Variants in TET3 observed in about 807,000 individuals in gnomAD.
The protein encoded by TET3 is methylcytosine dioxygenase TET3.
A neutral mutation model predicts 141.4 loss-of-function variants in TET3; 19 were observed. The ratio of observed to expected loss-of-function variants is 0.13; its 90% CI spans 0.09 to 0.20. The LOEUF is 0.20. Ranked by LOEUF, TET3 falls within the 10% of genes least tolerant of loss-of-function variation. The pLI is 1.00. For missense variants in TET3, 1,874 were observed against 2,356.9 expected (o/e 0.80, Z 4.24); for synonymous variants, 1,043 against 980.9 (o/e 1.06, Z -1.18).
intron 2 of TET3, among the ~76,000 whole-genome samples, chr2:73,990,356 G>A (rs1377651849): frequency 3.9e-5 from 6 of 152,286 alleles, no homozygotes; most frequent in Admixed American, 3.3e-4. Context: ...AACTCCAGAT[G>A]CAATACAAAT....
In TET3 at chr2:73,986,437, C is replaced by T. The variant is rs970505245; in HGVS notation, c.34C>T (p.Pro12Ser). The T allele has an allele frequency of 8.1e-7, 1 of 1,232,262 alleles. No homozygotes were observed. The highest frequency in any genetic ancestry group is 1.0e-6 in the Non-Finnish European group (1 of 988,100). 76.3% of individuals were successfully genotyped at this position (1,232,262 alleles called of 1,614,324 possible). A position where few individuals can be genotyped will look rare whatever the true frequency, so the allele number is the denominator to read the frequency against. Residue 12 changes from proline to serine, a missense_variant, in exon 2 of 12, where the codon CCG (proline) becomes TCG (serine). By Grantham distance (74) the Pro-to-Ser change is moderately conservative. Around this residue, in one of 10 missense-constraint regions of TET3, gnomAD observed 366 missense variants for 487.0 expected, o/e 0.75. Transcript: ENST00000409262. Reference sequence around the variant, plus strand: ...GTTTCAGGTGCCCCTGGCCGTCCAGCCGGACCTGCCAGGCCTTTATGACTT... The same window carrying T: ...GTTTCAGGTGCCCCTGGCCGTCCAGTCGGACCTGCCAGGCCTTTATGACTT... ...SQFQVPLAVQ[P>S]DLPGLYDFPQ...
At chr2:74,126,898 A>G in the TET3 span, among the ~76,000 whole-genome samples, 12 of 152,340 alleles carry the variant, frequency 7.9e-5, no homozygotes, top group African/African-American at 2.6e-4. Flanking sequence ...TGCCATCTTT[A>G]TAGAAATCTG....
Position 74,100,538 on chromosome 2 carries a change from C to A in TET3, c.3750C>A (p.Asp1250Glu). Residue 1250 changes from aspartate (D) to glutamate (E), a missense_variant, in exon 12 of 12, where the codon GAC becomes GAA. By Grantham distance (45) the Asp-to-Glu change is conservative (BLOSUM62 2). Coordinates refer to ENST00000409262, the MANE Select transcript of TET3 (RefSeq NM_001287491.2). ...TGCTGGGCAACTGCCGGCCCTCCGA[C>A]CCTTACAGCATGAACAGCGTGTACT... Reference protein sequence around the residue: ...YSVLGNCRPSDPYSMNSVYSY... With the variant: ...YSVLGNCRPSEPYSMNSVYSY... 1 of 1,612,268 alleles carries A rather than the reference C, an allele frequency of 6.2e-7. No homozygotes were observed. The highest frequency in any genetic ancestry group is 1.1e-5 in the South Asian group (1 of 90,598).
intron 3 of TET3, among the ~76,000 whole-genome samples, chr2:74,033,874 T>C (rs905191276): frequency 5.9e-5 from 9 of 152,056 alleles, no homozygotes; most frequent in Admixed American, 2.0e-4. Flanking sequence ...GGCGGGCGGA[T>C]CACCTGAGGT....
chr2:74,092,550 C>G lies in TET3; in HGVS notation c.3040-352C>G, dbSNP rs567153777. The stretch of plus-strand genomic sequence containing the variant: ...CCACAGTTGTTGCTCTTGGCTTTTT[C>G]AGTCCCACTGTGCCGCACCTCTGAC... On this transcript the variant is annotated intron_variant, in intron 8 of 11. Coordinates refer to ENST00000409262, the MANE Select transcript of TET3 (RefSeq NM_001287491.2). 3.9e-5 allele frequency among the ~76,000 whole-genome samples: 6 copies of G among 152,270 alleles called. No individual in the cohort carries two copies. In the South Asian group the frequency reaches 8.3e-4, roughly 21 times the overall value.
chr2:74,090,472 T>C (rs534656212), intron 8 of TET3, among the ~76,000 whole-genome samples: 1 of 152,320 alleles, frequency 6.6e-6, no homozygotes, highest in South Asian at 2.1e-4. Flanking sequence ...CTTCCCAAGG[T>C]ATCTCCCACC....
At position 74,107,899 on chromosome 2, in the gene TET3, A is replaced by T. The variant is rs1558806957; in HGVS notation, c.*5723A>T. On this transcript the variant is annotated 3_prime_UTR_variant, in exon 12 of 12. Transcript: ENST00000409262. ...TTCTTAGTACAGTAAATTTATGCTG[A>T]TAATTTTATTTTGTATAATTTTTAC... 6.6e-6 allele frequency: 1 copy of T among 152,458 alleles called. No individual in the cohort carries two copies. Among genetic ancestry groups the T allele is most frequent in the African/African-American group, 2.4e-5 (1 of 41,410 alleles). 9.4% of individuals were successfully genotyped at this position (152,458 alleles called of 1,614,324 possible). A position where few individuals can be genotyped will look rare whatever the true frequency, so the allele number is the denominator to read the frequency against.
chr2:74,073,174 T>G (rs533546305), intron 4 of TET3, among the ~76,000 whole-genome samples: 1 of 152,146 alleles, frequency 6.6e-6, no homozygotes, highest in African/African-American at 2.4e-5. Context: ...TGGAGGGAAG[T>G]AGCTTGCTGA....
rs1165503351 is a variant in TET3, at chr2:74,083,232, C to T, written c.2679+2641C>T. ...AAAATACGGAAGATTCCAGGCGTGC[C>T]CTGGTTGCACTCTGAAGGCTCAGAA... is the stretch of plus-strand genomic sequence containing the variant. On this transcript the variant is annotated intron_variant, in intron 6 of 11. Transcript: ENST00000409262. Among the ~76,000 whole-genome samples the T allele has an allele frequency of 3.9e-5, 6 of 152,170 alleles. No homozygotes were observed. In the South Asian group the frequency reaches 6.2e-4, roughly 16 times the overall value.
In TET3 at chr2:74,093,311, AC is replaced by A. The variant is rs1690619498; in HGVS notation, c.3130-217del. ...TGTATCTCCTAGACAAGGCAAGGGG[AC>A]TTGGGATAACCCAGAAGGAAGTAAT... On this transcript the variant is annotated intron_variant, in intron 9 of 11. Transcript: ENST00000409262. This position sits in a 1 kb window ranked among gnomAD's most constrained non-coding sequence, Gnocchi z 4.2. 1.3e-5 allele frequency among the ~76,000 whole-genome samples: 2 copies of A among 152,176 alleles called. No homozygotes were observed. Among genetic ancestry groups the A allele is most frequent in the African/African-American group, 4.8e-5 (2 of 41,438 alleles).
chr2:74,013,683 G>A (rs1468982515), intron 3 of TET3, among the ~76,000 whole-genome samples: 1 of 152,036 alleles, frequency 6.6e-6, no homozygotes, highest in East Asian at 1.9e-4. Context: ...GTGGTGGCGG[G>A]TGCTTGTATT....
chr2:74,123,470 T>C, the TET3 span, among the ~76,000 whole-genome samples: 1 of 152,058 alleles, frequency 6.6e-6, no homozygotes, highest in Non-Finnish European at 1.5e-5. Context: ...TACAAAAAAC[T>C]GGACCCGGCC....
At chr2:74,019,443 C>T (rs1685912175) in intron 3 of TET3, among the ~76,000 whole-genome samples, 1 of 152,194 alleles carries the variant, frequency 6.6e-6, no homozygotes, top group Non-Finnish European at 1.5e-5. Flanking sequence ...TGTGCTGCCT[C>T]TTCTGACACT....
chr2:73,993,452 G>A (rs1684431739), intron 2 of TET3: 1 of 152,258 alleles, frequency 6.6e-6, no homozygotes, highest in Non-Finnish European at 1.5e-5. Context: ...GTCCATGAAA[G>A]TTTGAGGAGC....
Position 74,055,781 on chromosome 2 carries a change from T to C in TET3, c.2494+7370T>C, listed in dbSNP as rs1030595228. ...ATTCATTCATGGATTAATGGGTTAATGGATTAACAGGTTAGCATGGCAGTG... is the reference window on the plus strand; with the variant it reads ...ATTCATTCATGGATTAATGGGTTAACGGATTAACAGGTTAGCATGGCAGTG... On this transcript the variant is annotated intron_variant, in intron 4 of 11. Coordinates refer to ENST00000409262, the MANE Select transcript of TET3 (RefSeq NM_001287491.2). Among the ~76,000 whole-genome samples, 32 of 152,320 alleles carry C rather than the reference T, an allele frequency of 2.1e-4. No individual in the cohort carries two copies. In the East Asian group the frequency reaches 6.2e-3, roughly 29 times the overall value.
chr2:74,071,719 T>G (rs1377483803), intron 4 of TET3, among the ~76,000 whole-genome samples: 2 of 152,224 alleles, frequency 1.3e-5, no homozygotes, highest in Non-Finnish European at 2.9e-5. Context: ...TTGTCATGTC[T>G]TCTTAGATAT....
At position 74,047,452 on chromosome 2, in the gene TET3, C is replaced by G. The variant is rs749173317; in HGVS notation, c.1535C>G (p.Pro512Arg). The change falls in exon 4 of 12, where the codon CCC (proline) becomes CGC (arginine). Residue 512 changes from proline (P) to arginine (R), a missense_variant. Pro to Arg is a moderately radical substitution (Grantham distance 103). This residue lies in a region of TET3 where 484 missense variants were observed against 462.2 expected (regional missense o/e 1.05). Transcript: ENST00000409262. ...APSPVLQREA[P>R]TPSSEPDTHQ... ...TCCCCTGTACTTCAGAGGGAGGCTC[C>G]CACGCCATCCTCGGAGCCCGACACC... 4 of 1,612,604 alleles carry G rather than the reference C, an allele frequency of 2.5e-6. No individual in the cohort carries two copies. Among genetic ancestry groups the G allele is most frequent in the Admixed American group, 1.7e-5 (1 of 59,990 alleles).
chr2:74,070,509 TATC>T (rs1399505322), intron 4 of TET3, among the ~76,000 whole-genome samples: 3 of 152,202 alleles, frequency 2.0e-5, no homozygotes, highest in African/African-American at 7.2e-5. Context: ...AGCTAGACCA[TATC>T]ATCTGCGCTG....
At chr2:74,112,066 A>G (rs1558809054), downstream of TET3, among the ~76,000 whole-genome samples, 3 of 152,186 alleles carry the variant, frequency 2.0e-5, no homozygotes, top group South Asian at 6.2e-4. Flanking sequence ...ACCAAAGCCA[A>G]TCTCCTTACT....
Sources: gnomAD v4.1 joint callset for allele counts (sites outside exome capture counted in the v4.1 genomes callset) on GRCh38, gnomAD v4.1.1 for gene constraint, gnomAD v4.1.1 regional missense constraint, Gnocchi (gnomAD v3.1) non-coding constraint, MANE v1.5 for transcripts, NCBI Gene and HGNC (gene_info 2026-07-23, HGNC 2026-07-21) for gene names.